Variants in PCDHA11 observed in about 807,000 individuals in gnomAD.
PCDHA11 encodes the protein protocadherin alpha-11.
Under a neutral mutation model 70.3 loss-of-function variants are expected in PCDHA11, and 61 were observed. That is an observed-to-expected ratio of 0.87 (90% CI 0.71 to 1.07). PCDHA11 has a LOEUF of 1.07. Among genes scored for constraint, PCDHA11 ranks in the 50% least tolerant of loss-of-function variants. The pLI is 0.00. For missense variants in PCDHA11, 1,324 were observed against 1,237.5 expected (o/e 1.07, Z -1.05); for synonymous variants, 633 against 555.1 (o/e 1.14, Z -1.97).
chr5:140,941,527 G>A (rs1324655767), intron 1 of PCDHA11, among the ~76,000 whole-genome samples: 1 of 151,580 alleles, frequency 6.6e-6, no homozygotes, highest in African/African-American at 2.4e-5. Flanking sequence ...ATCTTGACCA[G>A]GCTGGTCTTG....
intron 1 of PCDHA11, chr5:140,884,339 G>A (rs1178682525): frequency 6.2e-7 from 1 of 1,613,788 alleles, no homozygotes; most frequent in Non-Finnish European, 8.5e-7. Context: ...GGGTCCAGAA[G>A]CGGCGCTGGT....
At chr5:140,905,395 G>T (rs1562949609) in intron 1 of PCDHA11, among the ~76,000 whole-genome samples, 1 of 152,166 alleles carries the variant, frequency 6.6e-6, no homozygotes. Context: ...AGGTCTGTGT[G>T]CCTATTTTTA....
At position 140,870,239 on chromosome 5, in the gene PCDHA11, G is replaced by A. The variant is rs781847723; in HGVS notation, c.1136G>A (p.Gly379Asp). The change falls in exon 1 of 4, where the codon GGT becomes GAT. Residue 379 changes from glycine (G) to aspartate (D), a missense_variant. Coordinates refer to ENST00000398640, the MANE Select transcript of PCDHA11 (RefSeq NM_018902.5). ...ALISVSDRDS[G>D]VNGQVTCSLT... ...ATCAGCGTGTCTGACCGTGACTCAG[G>A]TGTCAACGGACAGGTGACCTGCTCG... is the stretch of plus-strand genomic sequence containing the variant. 2 of 1,614,134 alleles carry A rather than the reference G, an allele frequency of 1.2e-6. No homozygotes were observed. The highest frequency in any genetic ancestry group is 1.1e-5 in the South Asian group (1 of 91,084).
At chr5:140,975,206 T>G (rs2096657939) in intron 1 of PCDHA11, among the ~76,000 whole-genome samples, 1 of 152,232 alleles carries the variant, frequency 6.6e-6, no homozygotes, top group African/African-American at 2.4e-5. Context: ...TCTTCATGGC[T>G]GGCACTGGAG....
rs117857377 is a variant in PCDHA11, at chr5:140,947,298, A to G, written c.2392-31651A>G. ...TTTTTCTTTTTATTGCATTATCTTG[A>G]CATCTTTGTAAAAAGTCGGTTGACC... On this transcript the variant is annotated intron_variant, in intron 1 of 3. Transcript: ENST00000398640. Among the ~76,000 whole-genome samples, 349 of 151,704 alleles carry G rather than the reference A, an allele frequency of 2.3e-3. 8 individuals carry two copies. In the East Asian group the frequency reaches 0.06, roughly 26 times the overall value.
At chr5:140,955,157 T>A (rs1554221797) in intron 1 of PCDHA11, among the ~76,000 whole-genome samples, 1 of 152,198 alleles carries the variant, frequency 6.6e-6, no homozygotes, top group Non-Finnish European at 1.5e-5. Context: ...ACCAGTACCG[T>A]GCTGTTTTGG....
At chr5:140,965,066 G>A (rs931765352) in intron 1 of PCDHA11, among the ~76,000 whole-genome samples, 3 of 152,164 alleles carry the variant, frequency 2.0e-5, no homozygotes, top group Non-Finnish European at 4.4e-5. Flanking sequence ...CAAATGTCAG[G>A]TCTCACTCTG....
intron 3 of PCDHA11, among the ~76,000 whole-genome samples, chr5:141,006,484 A>T (rs1028996250): frequency 9.9e-5 from 15 of 152,130 alleles, no homozygotes; most frequent in Non-Finnish European, 7.4e-5. Flanking sequence ...AAGTGCTGGG[A>T]TTACATGTGT....
chr5:140,973,586 C>A (rs1207651483), intron 1 of PCDHA11, among the ~76,000 whole-genome samples: 1 of 152,176 alleles, frequency 6.6e-6, no homozygotes, highest in Non-Finnish European at 1.5e-5. Flanking sequence ...GACTGCTGAG[C>A]CAGATGGAAT....
intron 3 of PCDHA11, among the ~76,000 whole-genome samples, chr5:141,002,246 C>T (rs1217451636): frequency 6.6e-6 from 1 of 152,190 alleles, no homozygotes; most frequent in Non-Finnish European, 1.5e-5. Flanking sequence ...CTTTATTAAC[C>T]TCAGCACTGA....
At chr5:140,881,239 A>G in intron 1 of PCDHA11, 1 of 370,812 alleles carries the variant, frequency 2.7e-6, no homozygotes. Flanking sequence ...AGTCAATTTA[A>G]ATGACGGCAA....
chr5:140,961,738 G>A (rs976601916), intron 1 of PCDHA11, among the ~76,000 whole-genome samples: 2 of 152,118 alleles, frequency 1.3e-5, no homozygotes, highest in African/African-American at 4.8e-5. Flanking sequence ...AATCACTTTA[G>A]TAATATTACA....
intron 1 of PCDHA11, among the ~76,000 whole-genome samples, chr5:140,887,337 C>T (rs2153419784): frequency 6.6e-6 from 1 of 152,268 alleles, no homozygotes; most frequent in East Asian, 1.9e-4. Flanking sequence ...ACCTCGTGAT[C>T]CACCTGGCTC....
chr5:140,952,923 C>T (rs1554220692), intron 1 of PCDHA11, among the ~76,000 whole-genome samples: 1 of 151,990 alleles, frequency 6.6e-6, no homozygotes, highest in East Asian at 1.9e-4. Context: ...ATGGCATGAG[C>T]AGGAGCAGGA....
intron 1 of PCDHA11, chr5:140,927,409 A>C (rs1554204480): frequency 2.5e-6 from 4 of 1,614,002 alleles, no homozygotes; most frequent in Non-Finnish European, 3.4e-6. Flanking sequence ...TCGCCTGGAC[A>C]TGGGATCGCG....
intron 1 of PCDHA11, among the ~76,000 whole-genome samples, chr5:140,936,450 T>C (rs1217629620): frequency 6.6e-6 from 1 of 152,234 alleles, no homozygotes; most frequent in Non-Finnish European, 1.5e-5. Context: ...TAACCACATC[T>C]GTTTAGTGGT....
intron 1 of PCDHA11, among the ~76,000 whole-genome samples, chr5:140,891,939 C>G (rs1475126639): frequency 3.3e-5 from 5 of 152,212 alleles, no homozygotes; most frequent in African/African-American, 1.2e-4. Flanking sequence ...TGGACTTCCC[C>G]TAGGCTCCAG....
intron 1 of PCDHA11, among the ~76,000 whole-genome samples, chr5:140,939,255 A>T (rs1032457788): frequency 2.6e-5 from 4 of 152,060 alleles, no homozygotes; most frequent in Non-Finnish European, 4.4e-5. Context: ...GCTCTCTGGA[A>T]CCTCTTTTAT....
At chr5:140,872,573 C>T (rs1400699707) in intron 1 of PCDHA11, among the ~76,000 whole-genome samples, 1 of 152,068 alleles carries the variant, frequency 6.6e-6, no homozygotes, top group African/African-American at 2.4e-5. Flanking sequence ...GCTGCAGTGA[C>T]CTATCATCGT....
Sources: gnomAD v4.1 joint callset for allele counts (sites outside exome capture counted in the v4.1 genomes callset) on GRCh38, gnomAD v4.1.1 for gene constraint, MANE v1.5 for transcripts, NCBI Gene and HGNC (gene_info 2026-07-23, HGNC 2026-07-21) for gene names.